Variants in NAALADL2 observed in about 807,000 individuals in gnomAD.
NAALADL2 encodes the protein inactive N-acetylated-alpha-linked acidic dipeptidase-like protein 2.
NAALADL2 carries 76 observed loss-of-function variants against 87.2 expected under a neutral mutation model. The ratio of observed to expected loss-of-function variants is 0.87; its 90% CI spans 0.72 to 1.05. The LOEUF is 1.05. NAALADL2 is among the 50% of genes least tolerant of loss of function. The probability of loss-of-function intolerance (pLI) is 0.00; values close to 1 mark genes in which losing one functional copy is unlikely to be tolerated. For missense variants in NAALADL2, 1,089 were observed against 945.8 expected (o/e 1.15, Z -1.99); for synonymous variants, 354 against 331.0 (o/e 1.07, Z -0.75).
chr3:174,826,128 CTT>C (rs1394488952), intron 3 of NAALADL2, among the ~76,000 whole-genome samples: 2 of 152,180 alleles, frequency 1.3e-5, no homozygotes, highest in Non-Finnish European at 2.9e-5. Flanking sequence ...TCTCTTTAGT[CTT>C]TTATGTCACA....
intron 9 of NAALADL2, among the ~76,000 whole-genome samples, chr3:175,568,024 T>A (rs772261538): frequency 2.6e-5 from 4 of 152,042 alleles, no homozygotes; most frequent in Non-Finnish European, 5.9e-5. Flanking sequence ...CCCCAAAAAT[T>A]TCTATTTTAT....
At chr3:175,793,588 T>C (rs887419663) in intron 13 of NAALADL2, among the ~76,000 whole-genome samples, 22 of 152,114 alleles carry the variant, frequency 1.4e-4, no homozygotes, top group African/African-American at 4.8e-4. Flanking sequence ...GTGCTGGGAT[T>C]ACAGGCGTGA....
At chr3:175,715,458 T>C (rs1741104572) in intron 11 of NAALADL2, among the ~76,000 whole-genome samples, 2 of 152,210 alleles carry the variant, frequency 1.3e-5, no homozygotes, top group Admixed American at 1.3e-4. Flanking sequence ...CCTTGAATAT[T>C]TTTTGCATAG....
At chr3:175,034,637 C>A (rs193263334) in intron 1 of NAALADL2, among the ~76,000 whole-genome samples, 140 of 152,218 alleles carry the variant, frequency 9.2e-4, no homozygotes, top group Admixed American at 4.6e-3. Flanking sequence ...GATAGTAAGG[C>A]ATACTGGTGA....
rs1430175576 is a variant in NAALADL2 at position 174,709,777 on chromosome 3, C to T, written c.-114-27864C>T. Among the ~76,000 whole-genome samples the T allele has an allele frequency of 3.9e-5, 6 of 152,182 alleles. No homozygotes were observed. In the East Asian group the frequency reaches 1.2e-3, roughly 29 times the overall value. On this transcript the variant is annotated intron_variant, in intron 2 of 3. Transcript: ENST00000434257. Reference sequence around the variant, plus strand: ...TTTACCTCCTGGAACTTTTCAGTAGCCAGTTTTGGAAAAAGAATGTGAATA... The same window carrying T: ...TTTACCTCCTGGAACTTTTCAGTAGTCAGTTTTGGAAAAAGAATGTGAATA...
chr3:175,802,753 T>C (rs1255817743), intron 13 of NAALADL2, among the ~76,000 whole-genome samples: 1 of 151,136 alleles, frequency 6.6e-6, no homozygotes, highest in Non-Finnish European at 1.5e-5. Flanking sequence ...TTTTGTTTCG[T>C]AGTGTTGTGT....
At chr3:174,612,674 A>T (rs1720045932) in intron 2 of NAALADL2, among the ~76,000 whole-genome samples, 1 of 152,096 alleles carries the variant, frequency 6.6e-6, no homozygotes, top group African/African-American at 2.4e-5. Flanking sequence ...AATTTGTGTG[A>T]CAGAATTATG....
chr3:174,982,988 C>T (rs372960467), intron 1 of NAALADL2, among the ~76,000 whole-genome samples: 3 of 151,958 alleles, frequency 2.0e-5, no homozygotes, highest in African/African-American at 4.8e-5. Context: ...TTAGTAGAGA[C>T]GGGGTTTCAA....
At chr3:174,571,836 T>C (rs914377133) in intron 2 of NAALADL2, among the ~76,000 whole-genome samples, 13 of 152,166 alleles carry the variant, frequency 8.5e-5, no homozygotes, top group African/African-American at 3.1e-4. Flanking sequence ...ATGTCTGATT[T>C]GACCCAGAAA....
chr3:174,933,492 CACTT>C (rs1737218767), intron 1 of NAALADL2, among the ~76,000 whole-genome samples: 2 of 152,292 alleles, frequency 1.3e-5, no homozygotes, highest in South Asian at 4.1e-4. Flanking sequence ...TAGGTTCTGA[CACTT>C]AGTTAATTTT....
At chr3:174,855,185 T>C (rs964386046), upstream of NAALADL2, among the ~76,000 whole-genome samples, 7 of 152,140 alleles carry the variant, frequency 4.6e-5, no homozygotes, top group Non-Finnish European at 8.8e-5. Flanking sequence ...TATTTTTATA[T>C]CAGCATCAAC....
intron 3 of NAALADL2, among the ~76,000 whole-genome samples, chr3:174,841,000 A>T (rs1246675782): frequency 3.3e-5 from 5 of 151,760 alleles, no homozygotes; most frequent in Non-Finnish European, 7.4e-5. Context: ...TCCTGGACTC[A>T]TTTTTTAGGA....
rs543272917 is a variant in NAALADL2 at position 175,789,822 on chromosome 3, AGATAG to A, written c.2190-13182_2190-13178del. On this transcript the variant is annotated intron_variant, in intron 13 of 13. Coordinates refer to ENST00000454872, the MANE Select transcript of NAALADL2 (RefSeq NM_207015.3). ...TACTTTAAAAACTAGTATGTATTTCAGATAGTACCACACATCTTACAAAAAGAGCT... is the reference window on the plus strand; with the variant it reads ...TACTTTAAAAACTAGTATGTATTTCATACCACACATCTTACAAAAAGAGCT... 1.2e-4 allele frequency among the ~76,000 whole-genome samples: 18 copies of A among 152,324 alleles called. No homozygotes were observed. The South Asian group carries it at 2.1e-3, about 18-fold the overall frequency.
At chr3:175,011,725 C>T (rs1749851448) in intron 1 of NAALADL2, among the ~76,000 whole-genome samples, 1 of 152,100 alleles carries the variant, frequency 6.6e-6, no homozygotes, top group African/African-American at 2.4e-5. Context: ...ACAGCAGAGG[C>T]CCCAAGGCGT....
At chr3:174,911,708 C>T (rs1250929730) in intron 1 of NAALADL2, among the ~76,000 whole-genome samples, 3 of 152,088 alleles carry the variant, frequency 2.0e-5, no homozygotes, top group Non-Finnish European at 2.9e-5. Flanking sequence ...AGCCCTAGTA[C>T]ACCTTATATT....
intron 10 of NAALADL2, among the ~76,000 whole-genome samples, chr3:175,592,944 C>T (rs1189997199): frequency 6.6e-6 from 1 of 152,044 alleles, no homozygotes; most frequent in African/African-American, 2.4e-5. Flanking sequence ...CCCCTCTCCT[C>T]TTAATTTCCT....
At chr3:175,139,510 TC>T (rs1212677057) in intron 2 of NAALADL2, among the ~76,000 whole-genome samples, 2 of 152,134 alleles carry the variant, frequency 1.3e-5, no homozygotes, top group East Asian at 3.8e-4. Flanking sequence ...TCTCTGCTGT[TC>T]AAATAGTTCT....
At chr3:174,765,140 ACACG>A (rs1341908735) in intron 3 of NAALADL2, among the ~76,000 whole-genome samples, 1 of 108,654 alleles carries the variant, frequency 9.2e-6, no homozygotes, top group African/African-American at 3.3e-5. Context: ...ACACACACAC[ACACG>A]AGAGAGAGAG....
intron 2 of NAALADL2, among the ~76,000 whole-genome samples, chr3:175,212,500 T>C (rs1432136367): frequency 6.6e-6 from 1 of 152,086 alleles, no homozygotes; most frequent in Non-Finnish European, 1.5e-5. Context: ...CAGATATAAA[T>C]AATGACACAC....
Sources: allele counts gnomAD v4.1 joint callset (sites outside exome capture counted in the v4.1 genomes callset), GRCh38; gene constraint gnomAD v4.1.1; transcripts MANE v1.5; gene names NCBI Gene and HGNC (gene_info 2026-07-23, HGNC 2026-07-21).